Variants in PDE3A observed in about 807,000 individuals in gnomAD.
PDE3A encodes the protein cGMP-inhibited 3',5'-cyclic phosphodiesterase 3A.
In PDE3A, 43 loss-of-function variants were observed where a neutral mutation model predicts 98.3. The observed-to-expected ratio is 0.44, with a 90% confidence interval of 0.34 to 0.56. PDE3A has a LOEUF of 0.56. PDE3A is among the 20% of genes least tolerant of loss of function. The pLI is 0.01. For missense variants in PDE3A, 1,427 were observed against 1,440.7 expected, an observed-to-expected ratio of 0.99 and a Z score of 0.15; for synonymous variants, 663 against 567.9, an observed-to-expected ratio of 1.17 and a Z score of -2.38.
At chr12:20,426,503 C>T (rs972710105) in intron 1 of PDE3A, among the ~76,000 whole-genome samples, 1 of 152,132 alleles carries the variant, frequency 6.6e-6, no homozygotes, top group Non-Finnish European at 1.5e-5. Context: ...ATGTTCCGTC[C>T]AAGACACCAT....
chr12:20,569,568 T>A (rs774785064), intron 2 of PDE3A, among the ~76,000 whole-genome samples: 5 of 152,132 alleles, frequency 3.3e-5, no homozygotes. Context: ...TATCATTAAT[T>A]AATATGCCCC....
chr12:20,394,356 G>A (rs904759955), intron 1 of PDE3A, among the ~76,000 whole-genome samples: 1 of 152,042 alleles, frequency 6.6e-6, no homozygotes, highest in Admixed American at 6.6e-5. Context: ...ACAGAGTGTA[G>A]TTAGAACACT....
At position 20,449,214 on chromosome 12, in the gene PDE3A, A is replaced by G. The variant is rs1945017893; in HGVS notation, c.960+78970A>G. Among the ~76,000 whole-genome samples, 7 of 152,260 alleles carry G rather than the reference A, an allele frequency of 4.6e-5. No homozygotes were observed. The South Asian group carries it at 1.4e-3, about 31-fold the overall frequency. On this transcript the variant is annotated intron_variant, in intron 1 of 15. Transcript: ENST00000359062. Reference sequence around the variant, plus strand: ...CCCTAGCAAGAGAAGATTGGAATATAGAGGAATCTCCTTTTCTCCTCGTGA... The same window carrying G: ...CCCTAGCAAGAGAAGATTGGAATATGGAGGAATCTCCTTTTCTCCTCGTGA...
intron 1 of PDE3A, among the ~76,000 whole-genome samples, chr12:20,539,787 A>C (rs1941848030): frequency 6.6e-6 from 1 of 152,162 alleles, no homozygotes; most frequent in South Asian, 2.1e-4. Flanking sequence ...CCAAACCTTT[A>C]GGTTATATCA....
chr12:20,383,786 C>T (rs908509934), intron 1 of PDE3A, among the ~76,000 whole-genome samples: 10 of 151,954 alleles, frequency 6.6e-5, no homozygotes, highest in African/African-American at 2.4e-4. Context: ...CAGCAGATCA[C>T]ATAGGCCATG....
intron 1 of PDE3A, among the ~76,000 whole-genome samples, chr12:20,538,746 G>T (rs902198945): frequency 1.3e-5 from 2 of 152,088 alleles, no homozygotes; most frequent in Non-Finnish European, 2.9e-5. Flanking sequence ...CTGGGTTCAA[G>T]CAATCCTCCT....
intron 1 of PDE3A, among the ~76,000 whole-genome samples, chr12:20,528,788 A>G (rs960293189): frequency 1.4e-4 from 21 of 152,164 alleles, no homozygotes; most frequent in African/African-American, 5.1e-4. Context: ...ACTTGATGAC[A>G]TTTTTATGAA....
chr12:20,434,283 T>A (rs10841522), intron 1 of PDE3A, among the ~76,000 whole-genome samples: 60,868 of 151,854 alleles, frequency 0.4, 13,560 homozygotes, highest in East Asian at 0.88. Flanking sequence ...TGGACCAGGA[T>A]GGGAACATAC....
chr12:20,395,445 AT>A (rs1459093196), intron 1 of PDE3A, among the ~76,000 whole-genome samples: 2 of 149,264 alleles, frequency 1.3e-5, no homozygotes, highest in Non-Finnish European at 3.0e-5. Flanking sequence ...GAGCTGTAGT[AT>A]TTACACATAG....
intron 2 of PDE3A, among the ~76,000 whole-genome samples, chr12:20,604,790 A>C (rs1053250889): frequency 6.6e-6 from 1 of 152,190 alleles, no homozygotes; most frequent in Non-Finnish European, 1.5e-5. Context: ...TCTTTGATGA[A>C]GAGCCAAGAA....
chr12:20,427,790 A>AT (rs1208711349), intron 1 of PDE3A, among the ~76,000 whole-genome samples: 11 of 151,318 alleles, frequency 7.3e-5, no homozygotes, highest in South Asian at 4.2e-4. Context: ...GCACAGTCAC[A>AT]TTTTTTTTTC....
intron 1 of PDE3A, among the ~76,000 whole-genome samples, chr12:20,413,008 G>A (rs1364892034): frequency 2.0e-5 from 3 of 152,324 alleles, no homozygotes; most frequent in Admixed American, 1.3e-4. Context: ...ATGAGGCATT[G>A]AAACACAAGT....
intron 5 of PDE3A, among the ~76,000 whole-genome samples, chr12:20,626,313 ATTCT>A (rs947421310): frequency 6.6e-6 from 1 of 151,508 alleles, no homozygotes; most frequent in Non-Finnish European, 1.5e-5. Flanking sequence ...GCACATCCTA[ATTCT>A]TTCTGTTTTT....
At chr12:20,668,041 G>T (rs56180805) in intron 15 of PDE3A, among the ~76,000 whole-genome samples, 7 of 152,184 alleles carry the variant, frequency 4.6e-5, no homozygotes, top group African/African-American at 1.2e-4. Flanking sequence ...CTTGGGAAAC[G>T]CAAGGGGTCA....
rs140563481 is a variant in PDE3A at position 20,599,376 on chromosome 12, C to T, written c.1012-14067C>T. ...TGAGTAACACTGGGAAGTACTCAAC[C>T]GGGCCTTTGTATTGCTTGAGAATCT... On this transcript the variant is annotated intron_variant, in intron 2 of 15. Transcript: ENST00000359062. Among the ~76,000 whole-genome samples the T allele has an allele frequency of 9.2e-5, 14 of 152,198 alleles. No homozygotes were observed. The East Asian group carries it at 2.1e-3, about 23-fold the overall frequency.
Position 20,646,519 on chromosome 12 carries a change from T to C in PDE3A, c.2281T>C (p.Leu761=), listed in dbSNP as rs1205062457. ...TAACAGAATCCATGCCACTGATGTT[T>C]TACATGCTGTTTGGTATCTTACTAC... The part of the protein sequence containing the change: ...YHNRIHATDV[L]HAVWYLTTQP... The change falls in exon 11 of 16, where the codon TTA becomes CTA. Residue 761 remains leucine, a synonymous_variant. Transcript: ENST00000359062. The C allele has an allele frequency of 6.2e-7, 1 of 1,604,496 alleles. No homozygotes were observed. The highest frequency in any genetic ancestry group is 1.1e-5 in the South Asian group (1 of 90,902).
chr12:20,386,192 TAAATATATAA>T (rs1271866533), intron 1 of PDE3A, among the ~76,000 whole-genome samples: 9 of 72,324 alleles, frequency 1.2e-4, no homozygotes, highest in African/African-American at 3.9e-4. Flanking sequence ...TAAATATATA[TAAATATATAA>T]AAATATATAT....
rs538284945 is a variant in PDE3A, at chr12:20,643,882, G to T, written c.2252-2608G>T. On this transcript the variant is annotated intron_variant, in intron 10 of 15. Transcript: ENST00000359062. ...AAGTTTTCTGGGCCTGGGCCTTGGG[G>T]TGGGGGACAGGGTGGATTAGAGCTC... is the stretch of plus-strand genomic sequence containing the variant. 9.7e-4 allele frequency among the ~76,000 whole-genome samples: 148 copies of T among 151,976 alleles called. 1 individual carries two copies. Among genetic ancestry groups the T allele is most frequent in the South Asian group, 8.8e-3 (42 of 4,800 alleles).
At chr12:20,539,470 G>A (rs1382384820) in intron 1 of PDE3A, among the ~76,000 whole-genome samples, 2 of 152,036 alleles carry the variant, frequency 1.3e-5, no homozygotes, top group East Asian at 3.9e-4. Context: ...AATTACACAA[G>A]GTTATTTCAG....
Sources: allele counts gnomAD v4.1 joint callset (sites outside exome capture counted in the v4.1 genomes callset), GRCh38; gene constraint gnomAD v4.1.1; transcripts MANE v1.5; gene names NCBI Gene and HGNC (gene_info 2026-07-23, HGNC 2026-07-21).